PCBP3: variants seen among roughly 807,000 people sequenced by gnomAD.
PCBP3 encodes the protein poly(rC)-binding protein 3.
In PCBP3, 25 loss-of-function variants were observed where a neutral mutation model predicts 52.7. The ratio of observed to expected loss-of-function variants is 0.47; its 90% CI spans 0.35 to 0.66. The LOEUF (loss-of-function observed/expected upper bound fraction) is 0.66, where lower values mean the gene tolerates loss of function less well. Ranked by LOEUF, PCBP3 falls within the 30% of genes least tolerant of loss-of-function variation. The pLI, the probability that PCBP3 is intolerant of heterozygous loss-of-function variation, is 0.01. For missense variants in PCBP3, 391 were observed against 490.3 expected (o/e 0.80, Z 1.91); for synonymous variants, 162 against 183.0 (o/e 0.89, Z 0.93).
intron 4 of PCBP3, among the ~76,000 whole-genome samples, chr21:45,758,054 A>G (rs192314786): frequency 6.6e-6 from 1 of 152,128 alleles, no homozygotes; most frequent in East Asian, 1.9e-4. Context: ...ATGCCCAGCT[A>G]ATTTTTTGTA....
intron 1 of PCBP3, among the ~76,000 whole-genome samples, chr21:45,660,003 T>G (rs2080279809): frequency 6.6e-6 from 1 of 152,162 alleles, no homozygotes; most frequent in Admixed American, 6.5e-5. Context: ...TTCTTTCTGA[T>G]TTTCTGTCTT....
chr21:45,914,008 A>G lies in PCBP3; in HGVS notation c.658A>G (p.Ile220Val), dbSNP rs768716358. ...CCCAAAGCCCGCCTCCACCCCTGTC[A>G]TTTTTGCAGGTGGTCAGGTAAGAGC... Reference protein sequence around the residue: ...YRPKPASTPVIFAGGQAYTIQ... With the variant: ...YRPKPASTPVVFAGGQAYTIQ... The change falls in exon 12 of 18, where the codon ATT becomes GTT. Residue 220 changes from isoleucine to valine, a missense_variant. By Grantham distance (29) the Ile-to-Val change is conservative (BLOSUM62 3). Coordinates refer to ENST00000681687, the MANE Select transcript of PCBP3 (RefSeq NM_001384156.1). 1.2e-6 allele frequency: 2 copies of G among 1,613,352 alleles called. No individual in the cohort carries two copies. Among genetic ancestry groups the G allele is most frequent in the South Asian group, 2.2e-5 (2 of 91,050 alleles).
intron 4 of PCBP3, among the ~76,000 whole-genome samples, chr21:45,832,220 C>T (rs1216851616): frequency 6.6e-6 from 1 of 152,178 alleles, no homozygotes; most frequent in Non-Finnish European, 1.5e-5. Flanking sequence ...GTTGCCATGG[C>T]ATTTGTAAAC....
At chr21:45,778,067 T>G (rs1041990670) in intron 4 of PCBP3, among the ~76,000 whole-genome samples, 1 of 152,146 alleles carries the variant, frequency 6.6e-6, no homozygotes, top group Non-Finnish European at 1.5e-5. Flanking sequence ...ATTTTTGAAT[T>G]CACTTCATAG....
chr21:45,771,370 C>T (rs1239980880), intron 4 of PCBP3, among the ~76,000 whole-genome samples: 1 of 152,170 alleles, frequency 6.6e-6, no homozygotes, highest in African/African-American at 2.4e-5. Context: ...TTAGAGATTT[C>T]GGTTGACCAG....
chr21:45,899,796 T>C (rs533684733), intron 7 of PCBP3, among the ~76,000 whole-genome samples, 174 bp downstream of exon 7: 98 of 152,280 alleles, frequency 6.4e-4, no homozygotes, highest in Non-Finnish European at 1.3e-3. Flanking sequence ...CTGTATGACA[T>C]TGAAGCTGGT....
chr21:45,747,034 C>T (rs1420883678), intron 3 of PCBP3, among the ~76,000 whole-genome samples: 1 of 152,134 alleles, frequency 6.6e-6, no homozygotes, highest in Non-Finnish European at 1.5e-5. Context: ...CATTTTCATA[C>T]TGTTATGAAG....
chr21:45,926,627 C>T (rs1434779688), intron 13 of PCBP3, among the ~76,000 whole-genome samples: 2 of 152,114 alleles, frequency 1.3e-5, no homozygotes, highest in Non-Finnish European at 2.9e-5. Flanking sequence ...CCCACGAGAG[C>T]CTGGGAGAGG....
intron 1 of PCBP3, among the ~76,000 whole-genome samples, chr21:45,665,306 G>A (rs868009468): frequency 2.2e-4 from 34 of 152,176 alleles, no homozygotes; most frequent in Middle Eastern, 3.4e-3. Context: ...TCCTTGGGGG[G>A]CTGAGGTGGG....
chr21:45,849,830 G>A, intron 4 of PCBP3, 131 bp from the exon 5 acceptor site: 1 of 524,802 alleles, frequency 1.9e-6, no homozygotes, highest in Admixed American at 3.3e-5. Flanking sequence ...CTCACACTGT[G>A]CCTTGTACTC....
chr21:45,872,771 G>T (rs908183702), intron 5 of PCBP3: 1 of 152,214 alleles, frequency 6.6e-6, no homozygotes, highest in African/African-American at 2.4e-5. Flanking sequence ...CATTCTATCA[G>T]TGTGTTGTTT....
At chr21:45,847,498 A>G (rs2093841342) in intron 4 of PCBP3, among the ~76,000 whole-genome samples, 2 of 152,112 alleles carry the variant, frequency 1.3e-5, no homozygotes, top group African/African-American at 2.4e-5. Context: ...ATTCTTTTGT[A>G]GTGGGTTTGG....
chr21:45,818,781 A>G (rs1046248303), intron 4 of PCBP3, among the ~76,000 whole-genome samples: 11 of 152,238 alleles, frequency 7.2e-5, no homozygotes, highest in Admixed American at 7.2e-4. Context: ...TAGTAGGCAA[A>G]TGAATACACC....
chr21:45,712,519 T>A (rs1184396348), intron 2 of PCBP3, among the ~76,000 whole-genome samples: 3 of 152,214 alleles, frequency 2.0e-5, no homozygotes, highest in Admixed American at 6.5e-5. Flanking sequence ...GAGCCAGTTT[T>A]GAAAACTGAC....
At chr21:45,892,346 CT>C (rs1264997527) in intron 5 of PCBP3, among the ~76,000 whole-genome samples, 5 of 152,126 alleles carry the variant, frequency 3.3e-5, no homozygotes, top group Non-Finnish European at 5.9e-5. Flanking sequence ...GTTTCTGCCC[CT>C]GGCATTGGTT....
intron 2 of PCBP3, among the ~76,000 whole-genome samples, chr21:45,686,232 C>G (rs1300441605): frequency 6.6e-6 from 1 of 152,092 alleles, no homozygotes; most frequent in Non-Finnish European, 1.5e-5. Flanking sequence ...ATGAACAATT[C>G]ACATTGCTCA....
At chr21:45,815,724 G>C (rs2092910907) in intron 4 of PCBP3, among the ~76,000 whole-genome samples, 1 of 81,680 alleles carries the variant, frequency 1.2e-5, no homozygotes, top group Non-Finnish European at 2.4e-5. Flanking sequence ...GTGATGAGTG[G>C]TGAGTGGTGA....
In PCBP3 at chr21:45,735,103, G is replaced by A. The variant is rs770737717; in HGVS notation, c.-199-289G>A. Among the ~76,000 whole-genome samples the A allele has an allele frequency of 8.5e-5, 13 of 152,230 alleles. No individual in the cohort carries two copies. The highest frequency in any genetic ancestry group is 1.9e-4 in the Non-Finnish European group (13 of 68,042). ...AGAATCAGCTGTGCCCCAGACGTCAGTCAGGCCGAGGACTGTGGGTCAAGG... is the reference window on the plus strand; with the variant it reads ...AGAATCAGCTGTGCCCCAGACGTCAATCAGGCCGAGGACTGTGGGTCAAGG... On this transcript the variant is annotated intron_variant, in intron 2 of 17. Coordinates refer to ENST00000681687, the MANE Select transcript of PCBP3 (RefSeq NM_001384156.1). The surrounding 1 kb of genome is among the most constrained non-coding windows in gnomAD (Gnocchi z 4.0).
At chr21:45,893,867 C>A (rs908569934) in intron 5 of PCBP3, 2 of 985,304 alleles carry the variant, frequency 2.0e-6, no homozygotes, top group Non-Finnish European at 2.4e-6. Flanking sequence ...CGAGCATGGG[C>A]TGCTGCAGGC....
Sources: gnomAD v4.1 joint callset for allele counts (sites outside exome capture counted in the v4.1 genomes callset) on GRCh38, gnomAD v4.1.1 for gene constraint, Gnocchi (gnomAD v3.1) non-coding constraint, MANE v1.5 for transcripts, NCBI Gene and HGNC (gene_info 2026-07-23, HGNC 2026-07-21) for gene names.